Variants in SCRG1 observed in about 807,000 individuals in gnomAD.
The protein encoded by SCRG1 is stimulator of chondrogenesis 1.
SCRG1 carries 3 observed loss-of-function variants against 7.7 expected under a neutral mutation model. The observed-to-expected ratio is 0.39, with a 90% CI of 0.18 to 1.01. SCRG1 has a LOEUF of 1.01. SCRG1 is among the 50% of genes least tolerant of loss of function. The pLI is 0.36. For synonymous variants in SCRG1, 46 were observed against 41.2 expected (o/e 1.12, Z -0.44); for missense variants, 110 against 117.2 (o/e 0.94, Z 0.28).
the SCRG1 span, among the ~76,000 whole-genome samples, chr4:173,415,101 C>T: frequency 9.2e-5 from 14 of 152,164 alleles, no homozygotes; most frequent in South Asian, 2.5e-3. Flanking sequence ...TCTTCTTCCC[C>T]CAAATTGGAG....
At chr4:173,432,743 C>T in the SCRG1 span, among the ~76,000 whole-genome samples, 1 of 152,128 alleles carries the variant, frequency 6.6e-6, no homozygotes, top group South Asian at 2.1e-4. Context: ...TTCTTTTTAC[C>T]TTCTTGAGTA....
upstream of SCRG1, among the ~76,000 whole-genome samples, chr4:173,399,882 T>C (rs777903498): frequency 6.6e-6 from 1 of 152,144 alleles, no homozygotes; most frequent in Non-Finnish European, 1.5e-5. Context: ...GACAGACAAT[T>C]GAGGCAAGGG....
chr4:173,391,121 G>T, intron 2 of SCRG1, 52 bp downstream of exon 2: 1 of 1,595,270 alleles, frequency 6.3e-7, no homozygotes, highest in Non-Finnish European at 8.6e-7. Flanking sequence ...GTAGCTAAAA[G>T]TTGTTCTGCA....
chr4:173,476,380 A>ATATAT, the SCRG1 span, among the ~76,000 whole-genome samples: 2 of 138,522 alleles, frequency 1.4e-5, no homozygotes, highest in African/African-American at 2.5e-5. Flanking sequence ...ATATATATAT[A>ATATAT]ATGAATTGAA....
the SCRG1 span, among the ~76,000 whole-genome samples, chr4:173,515,650 C>T: frequency 1.3e-5 from 2 of 151,828 alleles, no homozygotes; most frequent in Non-Finnish European, 2.9e-5. This position sits in a 1 kb window ranked among gnomAD's most constrained non-coding sequence, Gnocchi z 4.6. Flanking sequence ...TCAGGCTGTG[C>T]GGGGAGGTGG....
chr4:173,391,151 C>CT (rs1273552838), intron 2 of SCRG1, 22 bp downstream of exon 2: 27 of 1,612,600 alleles, frequency 1.7e-5, no homozygotes, highest in Non-Finnish European at 2.3e-5. Flanking sequence ...AGGCAATACA[C>CT]TTTGTGATAC....
the SCRG1 span, among the ~76,000 whole-genome samples, chr4:173,483,208 AT>A: frequency 1.7e-5 from 1 of 57,692 alleles, no homozygotes; most frequent in Non-Finnish European, 3.7e-5. Context: ...ATTATATGAT[AT>A]ATCATATAAT....
the SCRG1 span, among the ~76,000 whole-genome samples, chr4:173,503,861 G>A: frequency 7.9e-5 from 12 of 152,330 alleles, no homozygotes; most frequent in Non-Finnish European, 1.6e-4. The surrounding 1 kb of genome is among the most constrained non-coding windows in gnomAD (Gnocchi z 6.4). Context: ...GGTGTCATTT[G>A]TAGCAAAGTA....
At chr4:173,499,247 C>T in the SCRG1 span, among the ~76,000 whole-genome samples, 1 of 152,160 alleles carries the variant, frequency 6.6e-6, no homozygotes, top group East Asian at 1.9e-4. The surrounding 1 kb of genome is among the most constrained non-coding windows in gnomAD (Gnocchi z 4.1). Context: ...GTAATGAACC[C>T]AGCCTGCACT....
chr4:173,396,712 T>TTTTGTGTG (rs1553964609), intron 1 of SCRG1, among the ~76,000 whole-genome samples: 1 of 107,018 alleles, frequency 9.3e-6, no homozygotes, highest in Admixed American at 8.8e-5. Context: ...ACTGGTAGTT[T>TTTTGTGTG]TGTGTGTGTG....
At chr4:173,438,658 T>C in the SCRG1 span, among the ~76,000 whole-genome samples, 2 of 152,102 alleles carry the variant, frequency 1.3e-5, no homozygotes, top group African/African-American at 2.4e-5. Flanking sequence ...AAATGTTTGA[T>C]GGGATTCTAA....
chr4:173,391,516 A>G, intron 1 of SCRG1, 88 bp from the exon 2 acceptor site: 1 of 1,333,218 alleles, frequency 7.5e-7, no homozygotes, highest in Non-Finnish European at 1.0e-6. Context: ...ATGCTTATAA[A>G]CCCTTGGATA....
At chr4:173,483,668 AAT>A in the SCRG1 span, among the ~76,000 whole-genome samples, 2 of 13,338 alleles carry the variant, frequency 1.5e-4, 1 homozygote, top group Non-Finnish European at 3.3e-4. Flanking sequence ...TGTGATATAT[AAT>A]ATATATGATA....
the SCRG1 span, among the ~76,000 whole-genome samples, chr4:173,473,995 C>G: frequency 2.0e-5 from 3 of 152,112 alleles, no homozygotes; most frequent in African/African-American, 7.2e-5. Context: ...GGCTGGCCAA[C>G]ATGGTGAAAC....
upstream of SCRG1, among the ~76,000 whole-genome samples, chr4:173,409,386 C>G (rs1402878345): frequency 6.6e-6 from 1 of 152,128 alleles, no homozygotes; most frequent in African/African-American, 2.4e-5. Context: ...CTCTCCTATT[C>G]TAGGATCTCT....
At chr4:173,390,887 T>TG (rs901609225) in intron 2 of SCRG1, among the ~76,000 whole-genome samples, 9 of 152,208 alleles carry the variant, frequency 5.9e-5, no homozygotes, top group Non-Finnish European at 8.8e-5. Context: ...TTTTTATTTT[T>TG]GGGGGGGTAA....
the SCRG1 span, among the ~76,000 whole-genome samples, chr4:173,440,540 C>T: frequency 6.6e-6 from 1 of 152,108 alleles, no homozygotes; most frequent in Non-Finnish European, 1.5e-5. Flanking sequence ...CTTTTCTCTC[C>T]AAGAAGTCAT....
chr4:173,518,032 G>T, the SCRG1 span, among the ~76,000 whole-genome samples: 41 of 152,384 alleles, frequency 2.7e-4, no homozygotes, highest in African/African-American at 9.9e-4. Flanking sequence ...TCACCCCGAA[G>T]GGCTGTGGGA....
At chr4:173,408,951 C>T (rs1250439806), upstream of SCRG1, among the ~76,000 whole-genome samples, 1 of 145,426 alleles carries the variant, frequency 6.9e-6, no homozygotes, top group Non-Finnish European at 1.5e-5. Context: ...GAGATGGCGC[C>T]GCCGCACTCC....
Sources: allele counts gnomAD v4.1 joint callset (sites outside exome capture counted in the v4.1 genomes callset), GRCh38; gene constraint gnomAD v4.1.1; non-coding constraint Gnocchi (gnomAD v3.1); transcripts MANE v1.5; gene names NCBI Gene and HGNC (gene_info 2026-07-23, HGNC 2026-07-21).